Variants in KCNIP1 observed in about 807,000 individuals in gnomAD.
KCNIP1 encodes the protein potassium voltage-gated channel interacting protein 1, also known as A-type potassium channel modulatory protein KCNIP1.
A neutral mutation model predicts 33.0 loss-of-function variants in KCNIP1; 18 were observed. That is an observed-to-expected ratio of 0.55 (90% CI 0.38 to 0.81). The LOEUF is 0.81. KCNIP1 is among the 30% of genes least tolerant of loss of function. The probability of loss-of-function intolerance (pLI) is 0.00; values close to 1 mark genes in which losing one functional copy is unlikely to be tolerated. For synonymous variants in KCNIP1, 93 were observed against 98.3 expected, an observed-to-expected ratio of 0.95 and a Z score of 0.32; for missense variants, 238 against 271.6, an observed-to-expected ratio of 0.88 and a Z score of 0.87.
chr5:170,638,377 A>G (rs1226951995), intron 1 of KCNIP1, among the ~76,000 whole-genome samples: 47 of 152,106 alleles, frequency 3.1e-4, no homozygotes, highest in Admixed American at 3.1e-3. Flanking sequence ...TCACCTCTGT[A>G]TGCCCTGCAG....
At chr5:170,594,186 C>A (rs79150177) in intron 1 of KCNIP1, among the ~76,000 whole-genome samples, 1,641 of 152,280 alleles carry the variant, frequency 0.011, 28 homozygotes, top group African/African-American at 0.037. Flanking sequence ...TATGAAGCAC[C>A]GTAGGAGTTC....
At chr5:170,367,709 G>A (rs993565748) in intron 1 of KCNIP1, among the ~76,000 whole-genome samples, 9 of 152,082 alleles carry the variant, frequency 5.9e-5, no homozygotes, top group Non-Finnish European at 1.0e-4. Flanking sequence ...TCTCAGAACC[G>A]TTCCTGAAAT....
intron 1 of KCNIP1, among the ~76,000 whole-genome samples, chr5:170,396,152 G>A (rs1369042474): frequency 2.0e-5 from 3 of 152,228 alleles, no homozygotes; most frequent in African/African-American, 7.2e-5. Context: ...GGAGGTATTA[G>A]GAATGAAGGT....
intron 1 of KCNIP1, among the ~76,000 whole-genome samples, chr5:170,468,241 G>T (rs1444175743): frequency 6.6e-6 from 1 of 152,122 alleles, no homozygotes; most frequent in African/African-American, 2.4e-5. Context: ...ATCTGAGAAG[G>T]TTTGTTAGAC....
At chr5:170,411,583 A>G (rs879931646) in intron 1 of KCNIP1, among the ~76,000 whole-genome samples, 3 of 152,194 alleles carry the variant, frequency 2.0e-5, no homozygotes, top group Non-Finnish European at 4.4e-5. Flanking sequence ...TACACTAAGG[A>G]ATTTGGATTT....
chr5:170,526,723 T>C (rs539499192), intron 1 of KCNIP1, among the ~76,000 whole-genome samples: 16 of 145,760 alleles, frequency 1.1e-4, no homozygotes, highest in East Asian at 8.4e-4. Flanking sequence ...GATTAGCTTT[T>C]TTTTTTTTTT....
chr5:170,721,811 G>T, intron 3 of KCNIP1, 22 bp from the exon 4 acceptor site: 1 of 1,614,092 alleles, frequency 6.2e-7, no homozygotes, highest in Non-Finnish European at 8.5e-7. Context: ...CCCATCACCT[G>T]CCCTCCTTTT....
At chr5:170,598,724 C>T (rs1314188275) in intron 1 of KCNIP1, among the ~76,000 whole-genome samples, 8 of 152,022 alleles carry the variant, frequency 5.3e-5, no homozygotes, top group Non-Finnish European at 1.0e-4. Flanking sequence ...AGGGCCCTCT[C>T]GAGAACAGGG....
chr5:170,429,221 G>T (rs143500936), intron 1 of KCNIP1, among the ~76,000 whole-genome samples: 137 of 152,160 alleles, frequency 9.0e-4, no homozygotes, highest in African/African-American at 3.1e-3. Context: ...CCACCAGAGG[G>T]AACATCTTAA....
At chr5:170,572,998 A>G (rs1263256522) in intron 1 of KCNIP1, among the ~76,000 whole-genome samples, 1 of 152,202 alleles carries the variant, frequency 6.6e-6, no homozygotes, top group Non-Finnish European at 1.5e-5. Flanking sequence ...AACATTTTAT[A>G]CTTGAAATAA....
chr5:170,722,032 A>C, intron 4 of KCNIP1, 129 bp downstream of exon 4: 1 of 1,101,640 alleles, frequency 9.1e-7, no homozygotes, highest in South Asian at 1.6e-5. Context: ...ATGTTTATCC[A>C]TTTGTAAGCA....
At chr5:170,643,842 T>C (rs1760678162) in intron 1 of KCNIP1, among the ~76,000 whole-genome samples, 1 of 152,240 alleles carries the variant, frequency 6.6e-6, no homozygotes, top group South Asian at 2.1e-4. Flanking sequence ...CCTGGCTCTG[T>C]GCCTTCACCT....
At chr5:170,479,606 G>GTAAAATTT (rs1431619442) in intron 1 of KCNIP1, among the ~76,000 whole-genome samples, 66 of 152,264 alleles carry the variant, frequency 4.3e-4, no homozygotes, top group African/African-American at 1.5e-3. Context: ...AGCTCAGCAT[G>GTAAAATTT]ACATACCCCA....
At chr5:170,535,098 A>G (rs1039969214) in intron 1 of KCNIP1, among the ~76,000 whole-genome samples, 2 of 152,170 alleles carry the variant, frequency 1.3e-5, no homozygotes, top group African/African-American at 4.8e-5. Flanking sequence ...GCTGGGTCCC[A>G]GCGCCGTCTC....
intron 1 of KCNIP1, among the ~76,000 whole-genome samples, chr5:170,629,633 A>G (rs1192722705): frequency 6.6e-6 from 1 of 152,142 alleles, no homozygotes; most frequent in East Asian, 1.9e-4. Flanking sequence ...CTCCCTAGAA[A>G]GTCTGCCCCC....
chr5:170,372,600 G>T (rs1353516087), intron 1 of KCNIP1, among the ~76,000 whole-genome samples: 1 of 151,636 alleles, frequency 6.6e-6, no homozygotes, highest in African/African-American at 2.4e-5. Context: ...CACTCCTATC[G>T]CCCCTAAAGG....
chr5:170,456,471 T>A (rs1312110575), intron 1 of KCNIP1, among the ~76,000 whole-genome samples: 1 of 151,598 alleles, frequency 6.6e-6, no homozygotes, highest in Non-Finnish European at 1.5e-5. Flanking sequence ...AAACTTAGAG[T>A]AAAATTTTTT....
At chr5:170,680,135 T>C (rs1479619313) in intron 1 of KCNIP1, among the ~76,000 whole-genome samples, 1 of 152,182 alleles carries the variant, frequency 6.6e-6, no homozygotes, top group Non-Finnish European at 1.5e-5. Context: ...ACAGGTTCTC[T>C]TATTTGCGTT....
intron 1 of KCNIP1, among the ~76,000 whole-genome samples, chr5:170,496,782 C>A (rs1757318986): frequency 6.6e-6 from 1 of 152,214 alleles, no homozygotes; most frequent in African/African-American, 2.4e-5. Context: ...CTCAACCTCA[C>A]CACTGTGGCC....
Sources: allele counts gnomAD v4.1 joint callset (sites outside exome capture counted in the v4.1 genomes callset), GRCh38; gene constraint gnomAD v4.1.1; transcripts MANE v1.5; gene names NCBI Gene and HGNC (gene_info 2026-07-23, HGNC 2026-07-21).